ARIH1: variants seen among roughly 807,000 people sequenced by gnomAD.
ARIH1 encodes ariadne RBR E3 ubiquitin protein ligase 1.
ARIH1 carries 8 observed loss-of-function variants against 85.0 expected under a neutral mutation model. That is an observed-to-expected ratio of 0.09 (90% CI 0.06 to 0.17). The LOEUF is 0.17. Ranked by LOEUF, ARIH1 falls within the 10% of genes least tolerant of loss-of-function variation. The pLI, the probability that ARIH1 is intolerant of heterozygous loss-of-function variation, is 1.00. For synonymous variants in ARIH1, 238 were observed against 253.6 expected, an observed-to-expected ratio of 0.94 and a Z score of 0.59; for missense variants, 311 against 718.1, an observed-to-expected ratio of 0.43 and a Z score of 6.48.
chr15:72,541,753 G>T (rs913406172), intron 2 of ARIH1, among the ~76,000 whole-genome samples: 4 of 152,178 alleles, frequency 2.6e-5, no homozygotes, highest in Non-Finnish European at 5.9e-5. Flanking sequence ...AGATTAGTCA[G>T]TTACTCTTTA....
intron 5 of ARIH1, 107 bp from the exon 6 acceptor site, chr15:72,561,376 C>A: frequency 1.4e-6 from 1 of 736,866 alleles, no homozygotes; most frequent in Admixed American, 2.4e-5. Flanking sequence ...CAGCTTAGGG[C>A]ATAAACATGT....
chr15:72,509,926 G>A (rs1006865603), intron 1 of ARIH1, among the ~76,000 whole-genome samples: 3 of 150,210 alleles, frequency 2.0e-5, no homozygotes, highest in African/African-American at 7.4e-5. Flanking sequence ...CCCAAAGAGA[G>A]ATGGGGCCTC....
At chr15:72,581,473 G>A (rs1229090855) in intron 12 of ARIH1, 1 of 157,524 alleles carries the variant, frequency 6.3e-6, no homozygotes, top group Non-Finnish European at 1.4e-5. Context: ...TAATGTGGTG[G>A]TTATCTTTAG....
intron 9 of ARIH1, among the ~76,000 whole-genome samples, chr15:72,569,715 A>G (rs2064235213): frequency 2.0e-5 from 3 of 152,216 alleles, no homozygotes; most frequent in South Asian, 4.1e-4. Flanking sequence ...TAGTATATTT[A>G]TATGAATAGA....
Position 72,593,081 on chromosome 15 carries a change from G to A in ARIH1, c.*9789G>A, listed in dbSNP as rs552485277. ...TCACATGTCTGTCAACATTTACACT[G>A]TCACTGTTTTTTATATTAGCCATTT... On this transcript the variant is annotated 3_prime_UTR_variant, in exon 14 of 14. Transcript: ENST00000379887. The A allele has an allele frequency of 3.3e-5, 5 of 152,224 alleles. No homozygotes were observed. The East Asian group carries it at 7.7e-4, about 23-fold the overall frequency. 9.4% of individuals were successfully genotyped at this position (152,224 alleles called of 1,614,324 possible). A position where few individuals can be genotyped will look rare whatever the true frequency, so the allele number is the denominator to read the frequency against.
chr15:72,500,605 A>G (rs1007792756), intron 1 of ARIH1, among the ~76,000 whole-genome samples: 6 of 152,188 alleles, frequency 3.9e-5, no homozygotes, highest in Non-Finnish European at 7.3e-5. Flanking sequence ...AATGTGAAAA[A>G]CAATGGATAT....
intron 1 of ARIH1, among the ~76,000 whole-genome samples, chr15:72,493,370 T>C (rs2063867110): frequency 6.6e-6 from 1 of 152,130 alleles, no homozygotes; most frequent in African/African-American, 2.4e-5. Context: ...GTATTTTGGA[T>C]TGAGGCCTGT....
intron 2 of ARIH1, among the ~76,000 whole-genome samples, chr15:72,518,410 C>A (rs2063984433): frequency 6.6e-6 from 1 of 151,996 alleles, no homozygotes; most frequent in Admixed American, 6.5e-5. Flanking sequence ...TCTTGGGTAC[C>A]AAGAACTGAA....
At chr15:72,475,789 TAGAA>T (rs1318743477) in intron 1 of ARIH1, among the ~76,000 whole-genome samples, 1 of 152,198 alleles carries the variant, frequency 6.6e-6, no homozygotes, top group Non-Finnish European at 1.5e-5. Flanking sequence ...TATTGTGAGT[TAGAA>T]AGCAGAGGTT....
chr15:72,534,948 TTGTC>T (rs1162458845), intron 2 of ARIH1, among the ~76,000 whole-genome samples: 1 of 83,040 alleles, frequency 1.2e-5, no homozygotes, highest in Non-Finnish European at 3.5e-5. Context: ...TGTCTTCTTA[TTGTC>T]TGTATTCTTT....
intron 2 of ARIH1, among the ~76,000 whole-genome samples, chr15:72,519,792 AT>A (rs532806580): frequency 1.3e-5 from 2 of 151,814 alleles, no homozygotes; most frequent in Non-Finnish European, 2.9e-5. Flanking sequence ...CCCTGACCGT[AT>A]TTTTTGACAT....
In ARIH1 at chr15:72,592,624, AT is replaced by A. The variant is rs1352198819; in HGVS notation, c.*9335del. The A allele has an allele frequency of 6.6e-6, 1 of 152,108 alleles. No individual in the cohort carries two copies. Among genetic ancestry groups the A allele is most frequent in the Non-Finnish European group, 1.5e-5 (1 of 68,000 alleles). 9.4% of individuals were successfully genotyped at this position (152,108 alleles called of 1,614,324 possible). A position where few individuals can be genotyped will look rare whatever the true frequency, so the allele number is the denominator to read the frequency against. On this transcript the variant is annotated 3_prime_UTR_variant, in exon 14 of 14. Coordinates refer to ENST00000379887, the MANE Select transcript of ARIH1 (RefSeq NM_005744.5). ...CACTTCTTGATTTTTATCACTAAAG[AT>A]TTGTTGTACCTGCTTTTGGATTACA... is the stretch of plus-strand genomic sequence containing the variant.
At chr15:72,511,408 A>G (rs935609783) in intron 1 of ARIH1, among the ~76,000 whole-genome samples, 1 of 151,982 alleles carries the variant, frequency 6.6e-6, no homozygotes, top group Non-Finnish European at 1.5e-5. Context: ...GGTTCAAGTG[A>G]TTGTCCTGCC....
chr15:72,529,505 A>G (rs991686967), intron 2 of ARIH1, among the ~76,000 whole-genome samples: 7 of 152,226 alleles, frequency 4.6e-5, no homozygotes, highest in African/African-American at 1.2e-4. Flanking sequence ...GCACCCTGCC[A>G]GGAATTTTTT....
intron 3 of ARIH1, among the ~76,000 whole-genome samples, chr15:72,552,869 G>A (rs544609852): frequency 6.6e-6 from 1 of 151,716 alleles, no homozygotes; most frequent in Non-Finnish European, 1.5e-5. Flanking sequence ...CCATCTCCTA[G>A]GTTCAAGCGA....
intron 9 of ARIH1, 85 bp downstream of exon 9, chr15:72,567,262 A>G: frequency 2.0e-6 from 2 of 985,930 alleles, no homozygotes; most frequent in South Asian, 1.5e-5. Flanking sequence ...GAGGTGACCT[A>G]CTTACAGGCT....
At chr15:72,578,539 ATC>A (rs2064281695) in intron 11 of ARIH1, among the ~76,000 whole-genome samples, 2 of 152,164 alleles carry the variant, frequency 1.3e-5, no homozygotes, top group Non-Finnish European at 2.9e-5. Flanking sequence ...ATCGTAGTAA[ATC>A]ATAAGATAGG....
intron 9 of ARIH1, among the ~76,000 whole-genome samples, chr15:72,569,904 A>G (rs935363423): frequency 6.6e-6 from 1 of 152,192 alleles, no homozygotes; most frequent in African/African-American, 2.4e-5. Flanking sequence ...TAGCCACTGC[A>G]CTACAGCCTA....
intron 9 of ARIH1, among the ~76,000 whole-genome samples, chr15:72,567,685 G>C (rs149392408): frequency 6.6e-6 from 1 of 152,000 alleles, no homozygotes. Flanking sequence ...CCTTCTCCTC[G>C]ATCACTAATC....
Sources: allele counts gnomAD v4.1 joint callset (sites outside exome capture counted in the v4.1 genomes callset), GRCh38; gene constraint gnomAD v4.1.1; transcripts MANE v1.5; gene names NCBI Gene and HGNC (gene_info 2026-07-23, HGNC 2026-07-21).